The following CSMD1 variants were observed in gnomAD, a reference collection of about 807,000 sequenced individuals.
The protein encoded by CSMD1 is CUB and sushi domain-containing protein 1.
CSMD1 carries 213 observed loss-of-function variants against 417.5 expected under a neutral mutation model. The ratio of observed to expected loss-of-function variants is 0.51; its 90% confidence interval spans 0.46 to 0.57. CSMD1 has a LOEUF of 0.57. CSMD1 is among the 20% of genes least tolerant of loss of function. The pLI, the probability that CSMD1 is intolerant of heterozygous loss-of-function variation, is 0.00. For missense variants in CSMD1, 6,923 were observed against 4,529.7 expected (o/e 1.53, Z -15.17); for synonymous variants, 2,862 against 1,736.8 (o/e 1.65, Z -16.11).
At chr8:3,080,105 G>C (rs1015277231) in intron 49 of CSMD1, among the ~76,000 whole-genome samples, 3 of 152,152 alleles carry the variant, frequency 2.0e-5, no homozygotes, top group African/African-American at 7.2e-5. Context: ...TCCACTCCAA[G>C]CAAAAGCCAC....
At position 4,420,076 on chromosome 8, in the gene CSMD1, A is replaced by C. The variant is rs1346579701; in HGVS notation, c.303-11T>G. 1 of 1,526,388 alleles carries C rather than the reference A, an allele frequency of 6.6e-7. No homozygotes were observed. Among genetic ancestry groups the C allele is most frequent in the Non-Finnish European group, 8.9e-7 (1 of 1,123,594 alleles). 94.6% of individuals were successfully genotyped at this position (1,526,388 alleles called of 1,614,324 possible). ...TGAAATCCCGATAATCTAAATTTAA[A>C]AGACAAGACACAAAGAGAGTTAAAA... On this transcript the variant is annotated splice_polypyrimidine_tract_variant and intron_variant, in intron 2 of 69. Coordinates refer to ENST00000635120, the MANE Select transcript of CSMD1 (RefSeq NM_033225.6).
intron 10 of CSMD1, among the ~76,000 whole-genome samples, chr8:3,568,629 T>A (rs1050238626): frequency 6.6e-6 from 1 of 152,146 alleles, no homozygotes; most frequent in Non-Finnish European, 1.5e-5. Context: ...ATTTGAGAGC[T>A]ATATAACAGA....
chr8:4,208,850 C>A (rs1476317946), intron 3 of CSMD1, among the ~76,000 whole-genome samples: 1 of 152,124 alleles, frequency 6.6e-6, no homozygotes, highest in African/African-American at 2.4e-5. Flanking sequence ...ATTGAGGTAG[C>A]AATAAGTATC....
chr8:4,969,906 G>C (rs1469125163), intron 1 of CSMD1, among the ~76,000 whole-genome samples: 5 of 152,072 alleles, frequency 3.3e-5, no homozygotes, highest in African/African-American at 9.7e-5. Context: ...GTAGTTTAGA[G>C]TTTGAGTTTG....
At chr8:3,401,011 A>G (rs574215275) in intron 15 of CSMD1, among the ~76,000 whole-genome samples, 104 of 151,846 alleles carry the variant, frequency 6.8e-4, no homozygotes, top group Non-Finnish European at 1.3e-3. Flanking sequence ...TTAAATTCAC[A>G]TTTGCAGCCT....
chr8:3,315,435 T>TGA (rs1805679005), intron 23 of CSMD1, among the ~76,000 whole-genome samples: 2 of 93,814 alleles, frequency 2.1e-5, no homozygotes, highest in African/African-American at 4.0e-5. Context: ...CTAGGTGAAG[T>TGA]GAGTGTGTGT....
intron 3 of CSMD1, among the ~76,000 whole-genome samples, chr8:4,354,741 G>A (rs1320271030): frequency 6.6e-6 from 1 of 152,032 alleles, no homozygotes; most frequent in Non-Finnish European, 1.5e-5. Flanking sequence ...AAGTGATGCA[G>A]GTGTTTGAAT....
rs1452101753 is a variant in CSMD1 at position 2,978,671 on chromosome 8, G to C, written c.8507C>G (p.Ser2836Cys). ...ATTTGCCATACAGGTCAAGGCTGAAGATCCCAGCAAGTAAAATCCCTTCTT... is the reference window on the plus strand; with the variant it reads ...ATTTGCCATACAGGTCAAGGCTGAACATCCCAGCAAGTAAAATCCCTTCTT... The part of the protein sequence containing the change: ...HCKKGFYLLG[S>C]SALTCMANGL... The change falls in exon 55 of 70, where the codon TCT becomes TGT. Residue 2836 changes from serine to cysteine, a missense_variant. Coordinates refer to ENST00000635120, the MANE Select transcript of CSMD1 (RefSeq NM_033225.6). 1 of 1,609,736 alleles carries C rather than the reference G, an allele frequency of 6.2e-7. No individual in the cohort carries two copies. Among genetic ancestry groups the C allele is most frequent in the African/African-American group, 1.3e-5 (1 of 74,996 alleles).
chr8:4,802,903 G>A (rs948112747), intron 1 of CSMD1, among the ~76,000 whole-genome samples: 1 of 152,182 alleles, frequency 6.6e-6, no homozygotes, highest in African/African-American at 2.4e-5. Flanking sequence ...CAAATCGTGT[G>A]ACATTAACCA....
chr8:4,102,727 C>G (rs924537535), intron 3 of CSMD1, among the ~76,000 whole-genome samples: 2 of 152,066 alleles, frequency 1.3e-5, no homozygotes, highest in Non-Finnish European at 2.9e-5. Flanking sequence ...AGATTTTAGA[C>G]AAGATATTGG....
intron 3 of CSMD1, among the ~76,000 whole-genome samples, chr8:4,302,198 A>C (rs978238992): frequency 2.6e-4 from 40 of 152,326 alleles, no homozygotes; most frequent in African/African-American, 9.4e-4. Flanking sequence ...CCTAATAAAA[A>C]ACAAAGCTTT....
At chr8:4,367,572 A>C (rs1047897238) in intron 3 of CSMD1, among the ~76,000 whole-genome samples, 1 of 151,974 alleles carries the variant, frequency 6.6e-6, no homozygotes, top group Non-Finnish European at 1.5e-5. Flanking sequence ...AAATTTTAGA[A>C]TGGTTTTTCT....
At chr8:3,526,884 A>C (rs1003028992) in intron 10 of CSMD1, among the ~76,000 whole-genome samples, 2 of 152,184 alleles carry the variant, frequency 1.3e-5, no homozygotes, top group Non-Finnish European at 2.9e-5. Flanking sequence ...GTAAAGTGCT[A>C]GTAATTCACA....
At chr8:3,191,253 G>A (rs1219169589) in intron 33 of CSMD1, among the ~76,000 whole-genome samples, 2 of 152,012 alleles carry the variant, frequency 1.3e-5, no homozygotes, top group East Asian at 1.9e-4. Context: ...TCGAGAGTTC[G>A]TTTATCAGCC....
At chr8:4,582,306 G>T (rs1274690149) in intron 2 of CSMD1, among the ~76,000 whole-genome samples, 1 of 152,144 alleles carries the variant, frequency 6.6e-6, no homozygotes, top group Non-Finnish European at 1.5e-5. Context: ...CTTGTTATCA[G>T]ACCAAGTCTC....
chr8:3,799,236 T>C (rs1800327570), intron 5 of CSMD1, among the ~76,000 whole-genome samples: 1 of 151,640 alleles, frequency 6.6e-6, no homozygotes, highest in Non-Finnish European at 1.5e-5. Flanking sequence ...CTACAGTTTT[T>C]TTTCTTTGAT....
At chr8:4,282,416 T>C (rs148896453) in intron 3 of CSMD1, among the ~76,000 whole-genome samples, 6 of 152,326 alleles carry the variant, frequency 3.9e-5, no homozygotes, top group South Asian at 2.1e-4. Flanking sequence ...ATCCCAAGGA[T>C]GTCCTCTTCT....
chr8:3,167,291 G>GAAAAGAAAAAAAAAAAAA (rs547453018), intron 37 of CSMD1, among the ~76,000 whole-genome samples: 62 of 102,618 alleles, frequency 6.0e-4, no homozygotes, highest in South Asian at 9.5e-4. Flanking sequence ...CTTGGAAAAA[G>GAAAAGAAAAAAAAAAAAA]AAAAAAAAAA....
At chr8:3,855,962 T>A (rs555769603) in intron 5 of CSMD1, among the ~76,000 whole-genome samples, 115 of 152,326 alleles carry the variant, frequency 7.5e-4, no homozygotes, top group African/African-American at 2.7e-3. Flanking sequence ...TCCCTACTAC[T>A]GAGTTTCATG....
Sources: gnomAD v4.1 joint callset for allele counts (sites outside exome capture counted in the v4.1 genomes callset) on GRCh38, gnomAD v4.1.1 for gene constraint, MANE v1.5 for transcripts, NCBI Gene and HGNC (gene_info 2026-07-23, HGNC 2026-07-21) for gene names.